The following AGBL1 variants were observed in gnomAD, a reference collection of about 807,000 sequenced individuals.
AGBL1 encodes cytosolic carboxypeptidase 4.
In AGBL1, 130 loss-of-function variants were observed where a neutral mutation model predicts 118.9. That is an observed-to-expected ratio of 1.09 (90% CI 0.95 to 1.26). The LOEUF is 1.26. Ranked by LOEUF, AGBL1 falls within the 50% of genes most tolerant of loss-of-function variation. AGBL1 has a pLI of 0.00. For synonymous variants in AGBL1, 555 were observed against 478.9 expected, an observed-to-expected ratio of 1.16 and a Z score of -2.08; for missense variants, 1,584 against 1,298.1, an observed-to-expected ratio of 1.22 and a Z score of -3.38.
chr15:87,023,915 T>C (rs191482243), intron 24 of AGBL1, among the ~76,000 whole-genome samples: 62 of 151,894 alleles, frequency 4.1e-4, no homozygotes, highest in Non-Finnish European at 7.5e-4. Flanking sequence ...AAAATGAAAA[T>C]TAAAAAATTC....
rs561645594 is a variant in AGBL1, at chr15:86,285,727, T to G, written c.2220+5944T>G. 1.5e-4 allele frequency among the ~76,000 whole-genome samples: 23 copies of G among 152,350 alleles called. No homozygotes were observed. In the South Asian group the frequency reaches 4.6e-3, roughly 30 times the overall value. On this transcript the variant is annotated intron_variant, in intron 16 of 22. Transcript: ENST00000614907. ...AGAGAATATTAGGCATTTGTTGATT[T>G]GTAATATTATTGTGGAAAATGTAAT...
intron 17 of AGBL1, among the ~76,000 whole-genome samples, chr15:86,361,173 A>C (rs1379782494): frequency 1.3e-5 from 2 of 151,932 alleles, no homozygotes; most frequent in Non-Finnish European, 2.9e-5. Context: ...GTTTTTGTCC[A>C]TTTCAAAATG....
intron 1 of AGBL1, among the ~76,000 whole-genome samples, chr15:86,087,055 A>T (rs942742518): frequency 1.3e-5 from 2 of 152,216 alleles, no homozygotes; most frequent in African/African-American, 2.4e-5. Context: ...CAAAAATGGT[A>T]GCTCCAAAAC....
chr15:86,271,043 A>ATTGT (rs2079152615), intron 14 of AGBL1, among the ~76,000 whole-genome samples: 1 of 89,062 alleles, frequency 1.1e-5, no homozygotes, highest in Non-Finnish European at 2.0e-5. Flanking sequence ...GTCACGTTGC[A>ATTGT]TTTTTTTTTT....
chr15:86,670,491 C>A (rs868671345), intron 21 of AGBL1, among the ~76,000 whole-genome samples: 4 of 151,464 alleles, frequency 2.6e-5, no homozygotes, highest in African/African-American at 2.4e-5. Flanking sequence ...GTAATCACAG[C>A]TACTCGGGAG....
At chr15:86,562,639 A>G (rs1362826002) in intron 21 of AGBL1, among the ~76,000 whole-genome samples, 1 of 152,234 alleles carries the variant, frequency 6.6e-6, no homozygotes, top group Non-Finnish European at 1.5e-5. Flanking sequence ...CTTTGGTAGC[A>G]GGATGATGCT....
intron 17 of AGBL1, among the ~76,000 whole-genome samples, chr15:86,383,391 C>T (rs2081139970): frequency 6.6e-6 from 1 of 151,448 alleles, no homozygotes; most frequent in Non-Finnish European, 1.5e-5. Context: ...AGTTCAAGAC[C>T]AGCCTGACAA....
rs528637448 is a variant in AGBL1 at position 86,492,956 on chromosome 15, A to T, written c.2556-29854A>T. ...GTAATCCCAGCACTTTGGGAGACTG[A>T]GGTGGGCAGATCACGAGGTCAAGAG... On this transcript the variant is annotated intron_variant, in intron 18 of 22. Transcript: ENST00000614907. Among the ~76,000 whole-genome samples the T allele has an allele frequency of 2.0e-5, 3 of 152,210 alleles. No homozygotes were observed. The South Asian group carries it at 6.2e-4, about 32-fold the overall frequency.
At chr15:86,211,027 G>C (rs1159050929) in intron 5 of AGBL1, among the ~76,000 whole-genome samples, 1 of 152,150 alleles carries the variant, frequency 6.6e-6, no homozygotes, top group Admixed American at 6.5e-5. Context: ...TGTTGATGTT[G>C]ATGCTATTCC....
intron 17 of AGBL1, among the ~76,000 whole-genome samples, chr15:86,345,668 T>A (rs1053172477): frequency 3.9e-5 from 6 of 152,170 alleles, no homozygotes; most frequent in African/African-American, 1.2e-4. Flanking sequence ...AAGTTGAAGA[T>A]GTTGGGCCAT....
intron 22 of AGBL1, among the ~76,000 whole-genome samples, chr15:86,709,594 C>T (rs999919919): frequency 1.3e-5 from 2 of 152,200 alleles, no homozygotes; most frequent in Non-Finnish European, 1.5e-5. Flanking sequence ...ATAATGATAT[C>T]GCTGCTATGT....
chr15:86,523,044 A>C, intron 19 of AGBL1, 105 bp downstream of exon 19: 1 of 1,343,128 alleles, frequency 7.4e-7, no homozygotes, highest in Non-Finnish European at 1.1e-6. Context: ...CCAAAAACCT[A>C]TGTATGACAA....
At chr15:86,676,259 A>G (rs1041122573) in intron 22 of AGBL1, among the ~76,000 whole-genome samples, 1 of 131,608 alleles carries the variant, frequency 7.6e-6, no homozygotes, top group Non-Finnish European at 1.7e-5. Context: ...GAGGGAAACT[A>G]CCTATTTCAC....
At chr15:86,096,973 C>G (rs1305409794) in intron 1 of AGBL1, among the ~76,000 whole-genome samples, 1 of 152,112 alleles carries the variant, frequency 6.6e-6, no homozygotes, top group Non-Finnish European at 1.5e-5. Context: ...TAGGAGGGAC[C>G]TAAAACATTG....
intron 21 of AGBL1, among the ~76,000 whole-genome samples, chr15:86,645,943 G>A (rs1258866326): frequency 6.6e-6 from 1 of 152,150 alleles, no homozygotes. Context: ...TTGCTTTTCA[G>A]GTTTAAGCTT....
chr15:86,490,010 G>A (rs1023440828), intron 18 of AGBL1, among the ~76,000 whole-genome samples: 1 of 152,058 alleles, frequency 6.6e-6, no homozygotes, highest in East Asian at 1.9e-4. Flanking sequence ...ATGGGTAAAG[G>A]CATACTGGAG....
At chr15:86,575,154 A>C (rs1017916197) in intron 21 of AGBL1, among the ~76,000 whole-genome samples, 2 of 151,440 alleles carry the variant, frequency 1.3e-5, no homozygotes, top group African/African-American at 4.9e-5. Context: ...ACACCACTGC[A>C]CTCCTGCCTG....
chr15:86,846,082 A>G (rs527632102), intron 22 of AGBL1, among the ~76,000 whole-genome samples: 2 of 152,318 alleles, frequency 1.3e-5, no homozygotes, highest in African/African-American at 2.4e-5. Context: ...TTGGATGACA[A>G]TTACACATAT....
intron 18 of AGBL1, among the ~76,000 whole-genome samples, chr15:86,474,615 G>T (rs1242271062): frequency 6.6e-6 from 1 of 152,198 alleles, no homozygotes; most frequent in Non-Finnish European, 1.5e-5. Flanking sequence ...AGCTCAAGGA[G>T]GCCTGCCTGC....
Sources: gnomAD v4.1 joint callset for allele counts (sites outside exome capture counted in the v4.1 genomes callset) on GRCh38, gnomAD v4.1.1 for gene constraint, MANE v1.5 for transcripts, NCBI Gene and HGNC (gene_info 2026-07-23, HGNC 2026-07-21) for gene names.